Variants in ACP4 observed in about 807,000 individuals in gnomAD.
ACP4 encodes testicular acid phosphatase.
Under a neutral mutation model 47.3 loss-of-function variants are expected in ACP4, and 49 were observed. The observed-to-expected ratio is 1.04, with a 90% confidence interval of 0.82 to 1.32. The LOEUF is 1.32. ACP4 is among the 40% of genes most tolerant of loss of function. The pLI, the probability that ACP4 is intolerant of heterozygous loss-of-function variation, is 0.00. For missense variants in ACP4, 594 were observed against 579.3 expected, an observed-to-expected ratio of 1.03 and a Z score of -0.26; for synonymous variants, 299 against 265.3, an observed-to-expected ratio of 1.13 and a Z score of -1.23.
Position 50,794,455 on chromosome 19 carries a change from A to T in ACP4, c.862-2A>T. 1 of 1,613,440 alleles carries T rather than the reference A, an allele frequency of 6.2e-7. No homozygotes were observed. Among genetic ancestry groups the T allele is most frequent in the Non-Finnish European group, 8.5e-7 (1 of 1,179,920 alleles). On this transcript the variant is annotated splice_acceptor_variant, in intron 8 of 10. Coordinates refer to ENST00000270593, the MANE Select transcript of ACP4 (RefSeq NM_033068.3). LOFTEE classifies it high-confidence loss of function. ...CGTCTCAGCCCTCGGGTCCACCTGC[A>T]GCATGACAGCACCCTGCTGGCCCTC...
chr19:50,791,504 C>G (rs546787185), intron 3 of ACP4, 152 bp from the exon 4 acceptor site: 2 of 1,168,984 alleles, frequency 1.7e-6, no homozygotes, highest in Admixed American at 4.0e-5. Flanking sequence ...AGCCTCTGGA[C>G]CCTTGATCCC....
rs576218942 is a variant in ACP4, at chr19:50,794,322, T to G, written c.862-135T>G. 1.1e-5 allele frequency: 15 copies of G among 1,315,138 alleles called. No homozygotes were observed. In the East Asian group the frequency reaches 3.0e-4, roughly 27 times the overall value. The allele number at this position is 1,315,138 out of a possible 1,614,324, so 81.5% of individuals were successfully genotyped here. The stretch of plus-strand genomic sequence containing the variant: ...CCGCCTGCAAATGTTGGTACTGCCT[T>G]CAGGATGGGAGGAAGGAGTAGCTTT... On this transcript the variant is annotated intron_variant, in intron 8 of 10. Coordinates refer to ENST00000270593, the MANE Select transcript of ACP4 (RefSeq NM_033068.3).
rs1327145731 is a variant in ACP4 at position 50,793,934 on chromosome 19, C to T, written c.825C>T (p.Arg275=). ...AILANFSRVQ[R]LGLPLKMVMY... ...TTGCAAACTTCTCCCGGGTCCAGCG[C>T]CTGGGGCTGCCCCTCAAGATGGTCA... The change falls in exon 8 of 11, where the codon CGC becomes CGT. Residue 275 remains arginine, a synonymous_variant. Coordinates refer to ENST00000270593, the MANE Select transcript of ACP4 (RefSeq NM_033068.3). The T allele has an allele frequency of 6.2e-7, 1 of 1,614,134 alleles. No homozygotes were observed. Among genetic ancestry groups the T allele is most frequent in the Non-Finnish European group, 8.5e-7 (1 of 1,180,042 alleles).
intron 6 of ACP4, chr19:50,792,620 T>C (rs1294718479): frequency 1.2e-5 from 4 of 338,604 alleles, no homozygotes; most frequent in Non-Finnish European, 1.1e-5. Context: ...CCCACAGTCC[T>C]ATAATCAGAA....
chr19:50,794,455 A>G lies in ACP4; in HGVS notation c.862-2A>G, dbSNP rs761995745. 1 of 1,613,440 alleles carries G rather than the reference A, an allele frequency of 6.2e-7. No individual in the cohort carries two copies. The highest frequency in any genetic ancestry group is 1.1e-5 in the South Asian group (1 of 91,076). ...CGTCTCAGCCCTCGGGTCCACCTGC[A>G]GCATGACAGCACCCTGCTGGCCCTC... is the stretch of plus-strand genomic sequence containing the variant. On this transcript the variant is annotated splice_acceptor_variant, in intron 8 of 10. Coordinates refer to ENST00000270593, the MANE Select transcript of ACP4 (RefSeq NM_033068.3). LOFTEE classifies it high-confidence loss of function.
chr19:50,794,338 G>C lies in ACP4; in HGVS notation c.862-119G>C, dbSNP rs112181425. ...GTACTGCCTTCAGGATGGGAGGAAGGAGTAGCTTTGGGGGGTTGGTTCTAA... is the reference window on the plus strand; with the variant it reads ...GTACTGCCTTCAGGATGGGAGGAAGCAGTAGCTTTGGGGGGTTGGTTCTAA... On this transcript the variant is annotated intron_variant, in intron 8 of 10. Transcript: ENST00000270593. 7.8e-6 allele frequency: 11 copies of C among 1,405,778 alleles called. 1 individual carries two copies. The Admixed American group carries it at 2.2e-4, about 28-fold the overall frequency. The allele number at this position is 1,405,778 out of a possible 1,614,324, so 87.1% of individuals were successfully genotyped here.
In ACP4 at chr19:50,793,867, GCT is replaced by G. The variant is rs1335771348; in HGVS notation, c.779-18_779-17del. Reference sequence around the variant, plus strand: ...GGTGCCTTCCTCTGGGAGAGTCTAAGCTCTTTTTTCCCATCCTCAGGGATCCT... The same window carrying G: ...GGTGCCTTCCTCTGGGAGAGTCTAAGCTTTTTTCCCATCCTCAGGGATCCT... On this transcript the variant is annotated intron_variant, in intron 7 of 10. Coordinates refer to ENST00000270593, the MANE Select transcript of ACP4 (RefSeq NM_033068.3). 1 of 1,614,158 alleles carries G rather than the reference GCT, an allele frequency of 6.2e-7. No individual in the cohort carries two copies.
intron 6 of ACP4, 70 bp downstream of exon 6, chr19:50,792,407 G>T: frequency 6.7e-7 from 1 of 1,498,082 alleles, no homozygotes; most frequent in African/African-American, 1.4e-5. Flanking sequence ...CTACTCACTA[G>T]CTGTGTTCCC....
At chr19:50,793,651 T>C (rs2089528985) in intron 6 of ACP4, 33 bp from the exon 7 acceptor site, 1 of 1,607,286 alleles carries the variant, frequency 6.2e-7, no homozygotes, top group Non-Finnish European at 8.5e-7. Context: ...ACTCGAGGGC[T>C]CAGGATGGTC....
intron 4 of ACP4, 25 bp downstream of exon 4, chr19:50,791,827 G>C (rs967998838): frequency 6.4e-7 from 1 of 1,569,404 alleles, no homozygotes; most frequent in Non-Finnish European, 8.7e-7. Flanking sequence ...CCCACGTGTG[G>C]CGAGGGAGGG....
rs1200095923 is a variant in ACP4 at position 50,793,816 on chromosome 19, G to C, written c.778G>C (p.Gly260Arg). 4 of 1,613,920 alleles carry C rather than the reference G, an allele frequency of 2.5e-6. No individual in the cohort carries two copies. Among genetic ancestry groups the C allele is most frequent in the Non-Finnish European group, 3.4e-6 (4 of 1,180,044 alleles). ...RAAEKAQLTG[G>R]ILLNAILANF... The stretch of plus-strand genomic sequence containing the variant: ...AGCAGAGAAGGCCCAGCTGACAGGG[G>C]GTGAGGTGTGGGTCTGGGAGGCTGG... Residue 260 changes from glycine (G) to arginine (R), a missense_variant and splice_region_variant, in exon 7 of 11, where the codon GGG becomes CGG. By Grantham distance (125) the Gly-to-Arg change is moderately radical. Transcript: ENST00000270593.
In ACP4 at chr19:50,791,817, C is replaced by T. The variant is rs2089511138; in HGVS notation, c.450+15C>T. 1 of 1,580,620 alleles carries T rather than the reference C, an allele frequency of 6.3e-7. No homozygotes were observed. On this transcript the variant is annotated intron_variant, in intron 4 of 10. Coordinates refer to ENST00000270593, the MANE Select transcript of ACP4 (RefSeq NM_033068.3). ...CTGAGGATAAGGTCAGGGGGCTGGA[C>T]CCACGTGTGGCGAGGGAGGGAGCGG...
intron 4 of ACP4, 123 bp from the exon 5 acceptor site, chr19:50,791,950 T>C (rs1599910785): frequency 6.9e-7 from 1 of 1,447,232 alleles, no homozygotes; most frequent in Non-Finnish European, 9.2e-7. Flanking sequence ...CCCACGCTGC[T>C]CTCCTGGATC....
chr19:50,790,886 G>GC, intron 3 of ACP4, 26 bp downstream of exon 3: 1 of 1,535,324 alleles, frequency 6.5e-7, no homozygotes, highest in East Asian at 2.5e-5. Context: ...CCCCCACCTG[G>GC]CCCCCTGACC....
chr19:50,794,795 C>G lies in ACP4; in HGVS notation c.996C>G (p.Thr332=). 2.5e-6 allele frequency: 4 copies of G among 1,601,378 alleles called. No individual in the cohort carries two copies. The highest frequency in any genetic ancestry group is 2.6e-6 in the Non-Finnish European group (3 of 1,172,268). ...GNPAKDGGNV[T]VSLFYRNDSA... ...TGTCCTCTCTCTCCAGGAATGTCAC[C>G]GTCTCCCTCTTCTACCGCAATGACT... The change falls in exon 10 of 11, where the codon ACC becomes ACG. Residue 332 remains threonine (T), a synonymous_variant. Transcript: ENST00000270593.
In ACP4 at chr19:50,792,340, G is replaced by A; in HGVS notation, c.645+3G>A. Reference sequence around the variant, plus strand: ...TTCTGGACACCCTCATGTGCCAGGTGAGCCCTGCCCCTTCCCAGCCAAGGG... The same window carrying A: ...TTCTGGACACCCTCATGTGCCAGGTAAGCCCTGCCCCTTCCCAGCCAAGGG... On this transcript the variant is annotated splice_donor_region_variant and intron_variant, in intron 6 of 10. Coordinates refer to ENST00000270593, the MANE Select transcript of ACP4 (RefSeq NM_033068.3). 6.2e-6 allele frequency: 10 copies of A among 1,612,940 alleles called. No individual in the cohort carries two copies. Among genetic ancestry groups the A allele is most frequent in the Non-Finnish European group, 8.5e-6 (10 of 1,179,964 alleles).
chr19:50,791,988 G>A, intron 4 of ACP4, 85 bp from the exon 5 acceptor site: 1 of 1,476,790 alleles, frequency 6.8e-7, no homozygotes, highest in Non-Finnish European at 9.1e-7. Flanking sequence ...AAGACGCAGG[G>A]GCCGAGAGCC....
In ACP4 at chr19:50,794,921, T is replaced by C. The variant is rs561200277; in HGVS notation, c.1122T>C (p.His374=). ...QLTAPARPPA[H]GVSCHGPYEA... is the part of the protein sequence containing the mutation. The stretch of plus-strand genomic sequence containing the variant: ...CTGCCCCGGCCCGGCCTCCCGCCCA[T>C]GGGGTCTCCTGCCATGGCCCCTATG... The change falls in exon 10 of 11, where the codon CAT becomes CAC. Residue 374 remains histidine (H), a synonymous_variant. Transcript: ENST00000270593. 72 of 1,613,432 alleles carry C rather than the reference T, an allele frequency of 4.5e-5. 2 individuals carry two copies. In the South Asian group the frequency reaches 7.7e-4, roughly 17 times the overall value.
chr19:50,791,828 C>G, intron 4 of ACP4, 26 bp downstream of exon 4: 1 of 1,568,234 alleles, frequency 6.4e-7, no homozygotes, highest in Non-Finnish European at 8.7e-7. Flanking sequence ...CCACGTGTGG[C>G]GAGGGAGGGA....
Sources: gnomAD v4.1 joint callset for allele counts on GRCh38, gnomAD v4.1.1 for gene constraint, MANE v1.5 for transcripts, NCBI Gene and HGNC (gene_info 2026-07-23, HGNC 2026-07-21) for gene names.